RUSC1: variants seen among roughly 807,000 people sequenced by gnomAD.
RUSC1 encodes AP-4 complex accessory subunit RUSC1.
Under a neutral mutation model 72.1 loss-of-function variants are expected in RUSC1, and 40 were observed. The observed-to-expected ratio is 0.55, with a 90% CI of 0.43 to 0.72. The LOEUF is 0.72. Ranked by LOEUF, RUSC1 falls within the 30% of genes least tolerant of loss-of-function variation. The pLI is 0.00. For synonymous variants in RUSC1, 512 were observed against 494.2 expected (o/e 1.04, Z -0.48); for missense variants, 1,092 against 1,172.3 (o/e 0.93, Z 1.00).
Position 155,330,532 on chromosome 1 carries a change from G to A in RUSC1, c.2670G>A (p.Glu890=). ...DWLRCGRDGM[E]GLVPVGYTSL... The stretch of plus-strand genomic sequence containing the variant: ...TCCGCTGTGGGCGGGATGGCATGGA[G>A]GGTCTGGTGCCTGTGGGGTATACCT... Residue 890 remains glutamate (E), a synonymous_variant, in exon 10 of 10, where the codon GAG becomes GAA. Coordinates refer to ENST00000368352, the MANE Select transcript of RUSC1 (RefSeq NM_001105203.2). 2 of 1,613,046 alleles carry A rather than the reference G, an allele frequency of 1.2e-6. No homozygotes were observed. The highest frequency in any genetic ancestry group is 1.7e-5 in the Admixed American group (1 of 59,920).
rs776801599 is a variant in RUSC1, at chr1:155,321,864, G to C, written c.91G>C (p.Glu31Gln). 2 of 1,613,554 alleles carry C rather than the reference G, an allele frequency of 1.2e-6. No homozygotes were observed. The highest frequency in any genetic ancestry group is 1.7e-6 in the Non-Finnish European group (2 of 1,179,992). Residue 31 changes from glutamate (E) to glutamine (Q), a missense_variant, in exon 2 of 10, where the codon GAG becomes CAG. Glu to Gln is a conservative substitution (Grantham distance 29). Coordinates refer to ENST00000368352, the MANE Select transcript of RUSC1 (RefSeq NM_001105203.2). ...GGGCCTGCACTTGTCCCGCCGTCCT[G>C]AGCTACAGGAGGGGCCTTTGAGCAC... The part of the protein sequence containing the change: ...SLGLHLSRRP[E>Q]LQEGPLSTPP...
At chr1:155,324,331 C>A in intron 2 of RUSC1, 1 of 1,593,480 alleles carries the variant, frequency 6.3e-7, no homozygotes. Context: ...CCGGGTTTCC[C>A]CTTTCCGGCG....
At position 155,322,615 on chromosome 1, in the gene RUSC1, C is replaced by A; in HGVS notation, c.842C>A (p.Thr281Lys). ...EKFDSGWKTN[T>K]RITDSGSKTD... The stretch of plus-strand genomic sequence containing the variant: ...TTCGACTCTGGTTGGAAAACCAACA[C>A]AAGAATAACTGATTCTGGCTCGAAA... Residue 281 changes from threonine (T) to lysine (K), a missense_variant, in exon 2 of 10, where the codon ACA (threonine) becomes AAA (lysine). Coordinates refer to ENST00000368352, the MANE Select transcript of RUSC1 (RefSeq NM_001105203.2). 6.2e-7 allele frequency: 1 copy of A among 1,614,242 alleles called. No homozygotes were observed. The highest frequency in any genetic ancestry group is 8.5e-7 in the Non-Finnish European group (1 of 1,180,042).
Position 155,322,412 on chromosome 1 carries a change from A to C in RUSC1, c.639A>C (p.Leu213Phe), listed in dbSNP as rs1650672566. ...AEQDLPTSEL[L>F]EADDGKIDAG... ...AGGATCTCCCTACCTCTGAGCTCTT[A>C]GAGGCGGATGATGGGAAAATCGACG... The change falls in exon 2 of 10, where the codon TTA becomes TTC. Residue 213 changes from leucine to phenylalanine, a missense_variant. Physicochemically the swap from Leu to Phe is conservative, Grantham distance 22. Transcript: ENST00000368352. The C allele has an allele frequency of 6.2e-7, 1 of 1,614,036 alleles. No individual in the cohort carries two copies. Among genetic ancestry groups the C allele is most frequent in the Admixed American group, 1.7e-5 (1 of 60,006 alleles).
chr1:155,324,340 C>T (rs1462075231), intron 2 of RUSC1: 1 of 1,596,738 alleles, frequency 6.3e-7, no homozygotes, highest in East Asian at 2.2e-5. Context: ...CCCTTTCCGG[C>T]GCCTTCCAGC....
chr1:155,329,815 C>T (rs946260299), intron 9 of RUSC1, among the ~76,000 whole-genome samples: 4 of 150,774 alleles, frequency 2.7e-5, no homozygotes, highest in Non-Finnish European at 5.9e-5. Context: ...ATTAGCCAGG[C>T]GTGGTGGTGG....
rs1651366099 is a variant in RUSC1 at position 155,326,066 on chromosome 1, C to T, written c.1861+156C>T. The T allele has an allele frequency of 1.5e-5, 12 of 807,624 alleles. No individual in the cohort carries two copies. Among genetic ancestry groups the T allele is most frequent in the Non-Finnish European group, 1.8e-5 (9 of 499,104 alleles). 50.0% of individuals were successfully genotyped at this position (807,624 alleles called of 1,614,324 possible). A position where few individuals can be genotyped will look rare whatever the true frequency, so the allele number is the denominator to read the frequency against. On this transcript the variant is annotated intron_variant, in intron 7 of 9. Transcript: ENST00000368352. This position sits in a 1 kb window ranked among gnomAD's most constrained non-coding sequence, Gnocchi z 4.7. The stretch of plus-strand genomic sequence containing the variant: ...ATTAAAACTTTCTAAGGAGGCCCAT[C>T]GCCCATAGGATGAAAGACCCAAAGC...
Position 155,322,925 on chromosome 1 carries a change from A to T in RUSC1, c.1152A>T (p.Pro384=). 2.5e-6 allele frequency: 4 copies of T among 1,600,164 alleles called. No homozygotes were observed. The highest frequency in any genetic ancestry group is 3.4e-6 in the Non-Finnish European group (4 of 1,172,942). Residue 384 remains proline (P), a synonymous_variant, in exon 2 of 10, where the codon CCA becomes CCT. Coordinates refer to ENST00000368352, the MANE Select transcript of RUSC1 (RefSeq NM_001105203.2). ...CCCGAAGCCGGGCCCCAGCCCCGCC[A>T]GTCCCGCCTCGAGACCCCCCAGTTG... ...LRSRSRAPAP[P]VPPRDPPVGW...
chr1:155,324,134 G>A, intron 2 of RUSC1: 1 of 1,292,430 alleles, frequency 7.7e-7, no homozygotes, highest in East Asian at 3.9e-5. Context: ...GGGGCTTTGG[G>A]TCACACCCTC....
Position 155,322,125 on chromosome 1 carries a change from CCT to C in RUSC1, c.353_354del (p.Pro118ArgfsTer11). The C allele has an allele frequency of 6.2e-7, 1 of 1,609,478 alleles. No homozygotes were observed. ...CTCAGATCTTAGCCCCGATGAGTCC[CCT>C]GTCTCAGTCTACTTGCGGGACCTCC... ...SCSDLSPDES[P>X]VSVYLRDLPG... On this transcript the variant is annotated frameshift_variant, in exon 2 of 10. Transcript: ENST00000368352. LOFTEE classifies it high-confidence loss of function.
At chr1:155,321,594 G>A (rs1650519297) in intron 1 of RUSC1, 94 bp from the exon 2 acceptor site, 10 of 1,237,252 alleles carry the variant, frequency 8.1e-6, no homozygotes, top group Non-Finnish European at 1.0e-5. Context: ...AGCAGCCAGA[G>A]CCTTCAGGCC....
chr1:155,326,090 G>C lies in RUSC1; in HGVS notation c.1861+180G>C. On this transcript the variant is annotated intron_variant, in intron 7 of 9. Coordinates refer to ENST00000368352, the MANE Select transcript of RUSC1 (RefSeq NM_001105203.2). This position sits in a 1 kb window ranked among gnomAD's most constrained non-coding sequence, Gnocchi z 4.7. ...TCGCCCATAGGATGAAAGACCCAAA[G>C]CCTTGGCTGTCTGGCCTCTGCCCTC... The C allele has an allele frequency of 1.4e-6, 1 of 693,046 alleles. No homozygotes were observed. Among genetic ancestry groups the C allele is most frequent in the Non-Finnish European group, 2.4e-6 (1 of 411,012 alleles). The allele number at this position is 693,046 out of a possible 1,614,324, so 42.9% of individuals were successfully genotyped here.
intron 8 of RUSC1, 98 bp from the exon 9 acceptor site, chr1:155,328,052 C>A: frequency 6.8e-7 from 1 of 1,474,680 alleles, no homozygotes; most frequent in Non-Finnish European, 9.1e-7. Flanking sequence ...TCTTTTGAAC[C>A]ACAATTAGGC....
chr1:155,330,687 T>C lies in RUSC1; in HGVS notation c.*116T>C. 2.0e-6 allele frequency: 2 copies of C among 995,792 alleles called. No individual in the cohort carries two copies. The highest frequency in any genetic ancestry group is 2.9e-6 in the Non-Finnish European group (2 of 698,888). 61.7% of individuals were successfully genotyped at this position (995,792 alleles called of 1,614,324 possible). On this transcript the variant is annotated 3_prime_UTR_variant, in exon 10 of 10. Coordinates refer to ENST00000368352, the MANE Select transcript of RUSC1 (RefSeq NM_001105203.2). ...GCAAAATGACGTTTCTTCCCACGTC[T>C]GTTTCTGCTAATATTTAAAATAAAC...
chr1:155,325,559 G>T lies in RUSC1; in HGVS notation c.1709-8G>T. ...CCGGGCTTGGCTGACTGCACCCCAC[G>T]TTCTCAGGCTCCAGCACCCGCTCCC... On this transcript the variant is annotated splice_region_variant and splice_polypyrimidine_tract_variant and intron_variant, in intron 5 of 9. Transcript: ENST00000368352. The surrounding 1 kb of genome is among the most constrained non-coding windows in gnomAD (Gnocchi z 6.5). The T allele has an allele frequency of 6.2e-7, 1 of 1,608,912 alleles. No homozygotes were observed.
Position 155,328,259 on chromosome 1 carries a change from A to G in RUSC1, c.2524A>G (p.Met842Val), listed in dbSNP as rs550335626. Residue 842 changes from methionine (M) to valine (V), a missense_variant, in exon 9 of 10, where the codon ATG (methionine) becomes GTG (valine). Coordinates refer to ENST00000368352, the MANE Select transcript of RUSC1 (RefSeq NM_001105203.2). ...GGAGCTTGAGGCCTCAGCACCCAGG[A>G]TGGTGCAAACCCATAGGTAAGGAGG... Reference protein sequence around the residue: ...PQELEASAPRMVQTHRAVRAL... With the variant: ...PQELEASAPRVVQTHRAVRAL... 1.1e-5 allele frequency: 17 copies of G among 1,612,904 alleles called. No homozygotes were observed. Among genetic ancestry groups the G allele is most frequent in the Middle Eastern group, 1.7e-4 (1 of 6,060 alleles).
intron 9 of RUSC1, among the ~76,000 whole-genome samples, chr1:155,329,229 GCA>G (rs1651754319): frequency 6.6e-6 from 1 of 151,370 alleles, no homozygotes; most frequent in African/African-American, 2.4e-5. Flanking sequence ...GGGATTACAG[GCA>G]CCTGCCACCA....
At position 155,322,923 on chromosome 1, in the gene RUSC1, C is replaced by G; in HGVS notation, c.1150C>G (p.Pro384Ala). 3 of 1,599,546 alleles carry G rather than the reference C, an allele frequency of 1.9e-6. No homozygotes were observed. The highest frequency in any genetic ancestry group is 2.6e-6 in the Non-Finnish European group (3 of 1,172,236). Residue 384 changes from proline (P) to alanine (A), a missense_variant, in exon 2 of 10, where the codon CCA (proline) becomes GCA (alanine). Transcript: ENST00000368352. The part of the protein sequence containing the change: ...LRSRSRAPAP[P>A]VPPRDPPVGW... ...GTCCCGAAGCCGGGCCCCAGCCCCG[C>G]CAGTCCCGCCTCGAGACCCCCCAGT...
At chr1:155,321,646 T>A in intron 1 of RUSC1, 42 bp from the exon 2 acceptor site, 1 of 1,357,602 alleles carries the variant, frequency 7.4e-7, no homozygotes, top group Non-Finnish European at 1.0e-6. Flanking sequence ...TCCCCGCAGC[T>A]CTTGTCCTCA....
Sources: gnomAD v4.1 joint callset for allele counts (sites outside exome capture counted in the v4.1 genomes callset) on GRCh38, gnomAD v4.1.1 for gene constraint, Gnocchi (gnomAD v3.1) non-coding constraint, MANE v1.5 for transcripts, NCBI Gene and HGNC (gene_info 2026-07-23, HGNC 2026-07-21) for gene names.